The following OPCML variants were observed in gnomAD, a reference collection of about 807,000 sequenced individuals.
The protein encoded by OPCML is opioid-binding protein/cell adhesion molecule.
In OPCML, 13 loss-of-function variants were observed where a neutral mutation model predicts 37.8. That is an observed-to-expected ratio of 0.34 (90% CI 0.22 to 0.55). The LOEUF (loss-of-function observed/expected upper bound fraction) is 0.55, where lower values mean the gene tolerates loss of function less well. OPCML is among the 20% of genes least tolerant of loss of function. The pLI is 0.91. For missense variants in OPCML, 341 were observed against 435.6 expected (o/e 0.78, Z 1.93); for synonymous variants, 176 against 168.8 (o/e 1.04, Z -0.33).
chr11:132,626,472 A>G (rs569115872), intron 3 of OPCML, among the ~76,000 whole-genome samples: 4 of 152,330 alleles, frequency 2.6e-5, no homozygotes, highest in Non-Finnish European at 5.9e-5. Flanking sequence ...GAAAGAAATA[A>G]GATTAATATG....
chr11:132,962,492 G>T (rs1946115828), intron 1 of OPCML, among the ~76,000 whole-genome samples: 1 of 152,382 alleles, frequency 6.6e-6, no homozygotes, highest in South Asian at 2.1e-4. Flanking sequence ...TTGAGGAAAA[G>T]ATTTTTAAGT....
intron 1 of OPCML, among the ~76,000 whole-genome samples, chr11:133,307,281 T>C (rs114556988): frequency 1.3e-5 from 2 of 152,066 alleles, no homozygotes; most frequent in Non-Finnish European, 2.9e-5. Context: ...CCCTAGTTTT[T>C]AGACAGGAAG....
At chr11:133,024,568 A>T (rs1947513941) in intron 1 of OPCML, 2 of 984,950 alleles carry the variant, frequency 2.0e-6, no homozygotes, top group South Asian at 9.4e-5. Context: ...ACAACAAAGA[A>T]CTACACAGGG....
intron 3 of OPCML, among the ~76,000 whole-genome samples, chr11:132,537,901 AAG>A (rs1366264848): frequency 6.6e-6 from 1 of 152,210 alleles, no homozygotes; most frequent in Non-Finnish European, 1.5e-5. Flanking sequence ...TTTAATCAAA[AAG>A]AGAGACAAAA....
At chr11:132,913,763 A>T (rs534981835) in intron 2 of OPCML, among the ~76,000 whole-genome samples, 1 of 152,292 alleles carries the variant, frequency 6.6e-6, no homozygotes, top group South Asian at 2.1e-4. Flanking sequence ...ACCATAGGGC[A>T]CATACCCTCA....
intron 1 of OPCML, chr11:133,298,288 G>A (rs1383719401): frequency 6.6e-6 from 1 of 152,110 alleles, no homozygotes; most frequent in Non-Finnish European, 1.5e-5. Flanking sequence ...CAGGAGAAAG[G>A]AGCAGAGAGG....
At chr11:132,623,120 A>T (rs1463180673) in intron 3 of OPCML, among the ~76,000 whole-genome samples, 1 of 152,320 alleles carries the variant, frequency 6.6e-6, no homozygotes, top group South Asian at 2.1e-4. Flanking sequence ...GGGGAAAAAC[A>T]CACACATTCT....
At chr11:132,646,838 T>C (rs888588611) in intron 3 of OPCML, among the ~76,000 whole-genome samples, 1 of 152,010 alleles carries the variant, frequency 6.6e-6, no homozygotes, top group Non-Finnish European at 1.5e-5. Flanking sequence ...AAGAAAATAA[T>C]CAAACATTGG....
At chr11:133,344,005 T>C (rs1037081460) in intron 1 of OPCML, among the ~76,000 whole-genome samples, 1 of 152,222 alleles carries the variant, frequency 6.6e-6, no homozygotes, top group Non-Finnish European at 1.5e-5. Flanking sequence ...AAATCCCTAA[T>C]AGCCTTTATG....
At chr11:133,199,970 T>C (rs749092424) in intron 1 of OPCML, among the ~76,000 whole-genome samples, 7 of 152,174 alleles carry the variant, frequency 4.6e-5, no homozygotes, top group Non-Finnish European at 1.0e-4. Context: ...CGGGAGAGAC[T>C]CCTGAAGAGA....
intron 4 of OPCML, among the ~76,000 whole-genome samples, chr11:132,500,656 C>T (rs2096243582): frequency 6.6e-6 from 1 of 152,094 alleles, no homozygotes; most frequent in Non-Finnish European, 1.5e-5. Context: ...GTTTGCTGCA[C>T]CTATCAACCC....
intron 1 of OPCML, among the ~76,000 whole-genome samples, chr11:133,407,663 T>C (rs1945553997): frequency 6.6e-6 from 1 of 152,220 alleles, no homozygotes; most frequent in African/African-American, 2.4e-5. Context: ...GGAAGTCTCC[T>C]GCTTTCAGCT....
intron 1 of OPCML, among the ~76,000 whole-genome samples, chr11:133,310,713 T>C (rs192531034): frequency 2.4e-4 from 37 of 152,234 alleles, no homozygotes; most frequent in African/African-American, 8.9e-4. Context: ...AGGGTTCAGG[T>C]GGAATGAGTC....
intron 1 of OPCML, among the ~76,000 whole-genome samples, chr11:133,275,796 G>A (rs944540301): frequency 2.6e-5 from 4 of 152,170 alleles, no homozygotes; most frequent in Admixed American, 6.5e-5. Context: ...AGTGGACAGA[G>A]GGCATTATAT....
chr11:132,808,499 G>A (rs1591638172), intron 2 of OPCML, among the ~76,000 whole-genome samples: 1 of 152,216 alleles, frequency 6.6e-6, no homozygotes, highest in African/African-American at 2.4e-5. Flanking sequence ...CATGGTAAAC[G>A]CAGTGAAGGC....
intron 2 of OPCML, among the ~76,000 whole-genome samples, chr11:132,892,249 A>G (rs1461935224): frequency 6.6e-6 from 1 of 152,172 alleles, no homozygotes; most frequent in African/African-American, 2.4e-5. Context: ...CTCCCCTAGA[A>G]AATTAGAATA....
intron 1 of OPCML, among the ~76,000 whole-genome samples, chr11:133,366,927 C>T (rs983461669): frequency 1.3e-5 from 2 of 152,130 alleles, no homozygotes; most frequent in African/African-American, 4.8e-5. Context: ...ACAACCCGAG[C>T]GTTCCCCCTT....
intron 1 of OPCML, among the ~76,000 whole-genome samples, chr11:133,017,403 TA>T (rs1252004311): frequency 2.6e-5 from 4 of 152,020 alleles, no homozygotes; most frequent in South Asian, 2.1e-4. Flanking sequence ...TTTATTTATT[TA>T]TTTTTTTTTT....
intron 1 of OPCML, among the ~76,000 whole-genome samples, chr11:133,365,127 C>T (rs1159088486): frequency 6.6e-6 from 1 of 151,916 alleles, no homozygotes; most frequent in Admixed American, 6.6e-5. Flanking sequence ...TGTGCAATGC[C>T]GACCACCTCC....
Sources: gnomAD v4.1 joint callset for allele counts (sites outside exome capture counted in the v4.1 genomes callset) on GRCh38, gnomAD v4.1.1 for gene constraint, MANE v1.5 for transcripts, NCBI Gene and HGNC (gene_info 2026-07-23, HGNC 2026-07-21) for gene names.